TACC1: variants seen among roughly 807,000 people sequenced by gnomAD.
TACC1 encodes the protein transforming acidic coiled-coil containing protein 1.
In TACC1, 48 loss-of-function variants were observed where a neutral mutation model predicts 84.4. The observed-to-expected ratio is 0.57, with a 90% CI of 0.45 to 0.72. TACC1 has a LOEUF of 0.72. Ranked by LOEUF, TACC1 falls within the 30% of genes least tolerant of loss-of-function variation. The pLI, the probability that TACC1 is intolerant of heterozygous loss-of-function variation, is 0.00. For missense variants in TACC1, 920 were observed against 973.0 expected (o/e 0.95, Z 0.72); for synonymous variants, 372 against 376.3 (o/e 0.99, Z 0.13).
chr8:38,756,854 TCA>T (rs144268364), intron 3 of TACC1, among the ~76,000 whole-genome samples: 7,280 of 152,250 alleles, frequency 0.048, 593 homozygotes, highest in African/African-American at 0.17. Context: ...CCTGACCCCG[TCA>T]CACACCGCCC....
chr8:38,828,083 A>G (rs12674997), intron 5 of TACC1: 14,019 of 152,538 alleles, frequency 0.092, 832 homozygotes, highest in East Asian at 0.26. Flanking sequence ...ACTATATCAA[A>G]TGGCCTATAA....
At chr8:38,835,253 CA>C (rs1185132174) in intron 6 of TACC1, among the ~76,000 whole-genome samples, 3,524 of 75,740 alleles carry the variant, frequency 0.047, 95 homozygotes, top group African/African-American at 0.14. Context: ...GACCCCGTCT[CA>C]AAAAAAAAAA....
Position 38,850,802 on chromosome 8 carries a change from CA to C in TACC1, c.*2780del, listed in dbSNP as rs1272536447. On this transcript the variant is annotated 3_prime_UTR_variant, in exon 13 of 13. Coordinates refer to ENST00000317827, the MANE Select transcript of TACC1 (RefSeq NM_006283.3). The stretch of plus-strand genomic sequence containing the variant: ...AAAAAAAAAAAAAAAAAAAAAAAAC[CA>C]GGAGTGAAAAAGGAAAGTAGAAGGC... The C allele has an allele frequency of 7.0e-6, 1 of 142,670 alleles. No homozygotes were observed. Among genetic ancestry groups the C allele is most frequent in the Non-Finnish European group, 1.5e-5 (1 of 65,266 alleles). The allele number at this position is 142,670 out of a possible 1,614,324, so 8.8% of individuals were successfully genotyped here. A position where few individuals can be genotyped will look rare whatever the true frequency, so the allele number is the denominator to read the frequency against.
At chr8:38,735,688 G>A in intron 1 of TACC1, among the ~76,000 whole-genome samples, 1 of 152,178 alleles carries the variant, frequency 6.6e-6, no homozygotes, top group East Asian at 1.9e-4. Context: ...GGGCTACGCT[G>A]CTGTCTCCTG....
chr8:38,794,651 G>A (rs1819559317), intron 2 of TACC1, among the ~76,000 whole-genome samples: 1 of 152,106 alleles, frequency 6.6e-6, no homozygotes, highest in South Asian at 2.1e-4. Context: ...CTAAAGCTTT[G>A]AGTTATATGT....
chr8:38,817,933 A>C (rs1378870616), intron 2 of TACC1, among the ~76,000 whole-genome samples: 1 of 149,432 alleles, frequency 6.7e-6, no homozygotes, highest in African/African-American at 2.5e-5. Context: ...AAAAAAAAAA[A>C]AAAAAAAAAA....
chr8:38,763,147 T>C (rs966714697), intron 3 of TACC1, among the ~76,000 whole-genome samples: 2 of 152,142 alleles, frequency 1.3e-5, no homozygotes, highest in African/African-American at 2.4e-5. Context: ...CATTTGTTGT[T>C]GTTGTTGTTG....
At chr8:38,822,114 G>T (rs993853834) in intron 3 of TACC1, among the ~76,000 whole-genome samples, 17 of 151,950 alleles carry the variant, frequency 1.1e-4, no homozygotes, top group African/African-American at 3.4e-4. Flanking sequence ...GAGTGGTGGT[G>T]CATGCCTGTA....
intron 2 of TACC1, among the ~76,000 whole-genome samples, chr8:38,814,515 C>A (rs1824962703): frequency 1.3e-5 from 2 of 152,134 alleles, no homozygotes; most frequent in Admixed American, 6.6e-5. Context: ...GGTTTGTAGC[C>A]TAGGAGCAAT....
chr8:38,759,332 A>G (rs1810750321), intron 3 of TACC1, among the ~76,000 whole-genome samples: 1 of 152,240 alleles, frequency 6.6e-6, no homozygotes, highest in South Asian at 2.1e-4. Context: ...GCAATATACT[A>G]TTTTAGCTGA....
chr8:38,785,886 G>A (rs1022346546), upstream of TACC1: 8 of 215,328 alleles, frequency 3.7e-5, no homozygotes, highest in Admixed American at 2.0e-4. Context: ...AAAGCATCCT[G>A]ACACCCCACC....
In TACC1 at chr8:38,787,727, A is replaced by C; in HGVS notation, c.145A>C (p.Lys49Gln). ...PEEEDSQAET[K>Q]SLSFSSDSEG... The stretch of plus-strand genomic sequence containing the variant: ...GGAGGAGGATTCGCAAGCCGAGACC[A>C]AATCCTTGAGTTTCAGGCAAGTACA... Residue 49 changes from lysine (K) to glutamine (Q), a missense_variant, in exon 1 of 13, where the codon AAA becomes CAA. Lys to Gln is a moderately conservative substitution (Grantham distance 53). Transcript: ENST00000317827. 6.5e-7 allele frequency: 1 copy of C among 1,546,490 alleles called. No individual in the cohort carries two copies. The highest frequency in any genetic ancestry group is 8.7e-7 in the Non-Finnish European group (1 of 1,154,696).
chr8:38,832,347 A>G (rs1052781343), intron 6 of TACC1, among the ~76,000 whole-genome samples: 8 of 152,252 alleles, frequency 5.3e-5, no homozygotes, highest in Non-Finnish European at 1.2e-4. Flanking sequence ...GAAGAGAGTG[A>G]AAAAGAAAAA....
At chr8:38,837,409 G>A (rs753054544) in intron 7 of TACC1, among the ~76,000 whole-genome samples, 4 of 152,058 alleles carry the variant, frequency 2.6e-5, no homozygotes, top group Non-Finnish European at 4.4e-5. Context: ...GGCAACAAGA[G>A]CGAAACTCCA....
chr8:38,843,165 G>C, intron 10 of TACC1, 124 bp from the exon 11 acceptor site: 1 of 607,904 alleles, frequency 1.6e-6, no homozygotes, highest in Non-Finnish European at 2.8e-6. Flanking sequence ...TTACTGCAGA[G>C]TATGAATAAA....
Position 38,842,317 on chromosome 8 carries a change from A to G in TACC1, c.1991A>G (p.Gln664Arg). The change falls in exon 10 of 13, where the codon CAG becomes CGG. Residue 664 changes from glutamine to arginine, a missense_variant. This residue lies in a region of TACC1 where 158 missense variants were observed against 225.6 expected (regional missense o/e 0.70). Transcript: ENST00000317827. ...EDEQRTSMTSQKSFQQLTMEK... is the reference protein window; with the variant it reads ...EDEQRTSMTSRKSFQQLTMEK... ...GAACAAAGGACAAGTATGACCTCTC[A>G]GAAGAGCTTCCAGCAACTGACCATG... is the stretch of plus-strand genomic sequence containing the variant. The G allele has an allele frequency of 6.2e-7, 1 of 1,613,974 alleles. No homozygotes were observed. Among genetic ancestry groups the G allele is most frequent in the African/African-American group, 1.3e-5 (1 of 75,050 alleles).
intron 9 of TACC1, among the ~76,000 whole-genome samples, chr8:38,840,848 G>A (rs1232246634): frequency 6.6e-6 from 1 of 152,066 alleles, no homozygotes; most frequent in Non-Finnish European, 1.5e-5. Flanking sequence ...TTGAGAGTTC[G>A]AAAACAGCCT....
At chr8:38,824,027 T>A in intron 3 of TACC1, 3 of 1,352,092 alleles carry the variant, frequency 2.2e-6, no homozygotes, top group Non-Finnish European at 2.9e-6. Flanking sequence ...TTTTCTGTTG[T>A]AAGTACTCCT....
chr8:38,820,207 G>C lies in TACC1; in HGVS notation c.963G>C (p.Glu321Asp), dbSNP rs145812185. The change falls in exon 3 of 13, where the codon GAG becomes GAC. Residue 321 changes from glutamate (E) to aspartate (D), a missense_variant. Physicochemically the swap from Glu to Asp is conservative, Grantham distance 45. Coordinates refer to ENST00000317827, the MANE Select transcript of TACC1 (RefSeq NM_006283.3). Reference sequence around the variant, plus strand: ...CGAGGAGCTCACCTCTCAAGCTTGAGTTTGATTTCACAGAAGATACAGGAA... The same window carrying C: ...CGAGGAGCTCACCTCTCAAGCTTGACTTTGATTTCACAGAAGATACAGGAA... Reference protein sequence around the residue: ...EESRSSPLKLEFDFTEDTGNI... With the variant: ...EESRSSPLKLDFDFTEDTGNI... The C allele has an allele frequency of 3.3e-5, 53 of 1,614,046 alleles. No individual in the cohort carries two copies. The African/African-American group carries it at 5.6e-4, about 17-fold the overall frequency.
Sources: gnomAD v4.1 joint callset for allele counts (sites outside exome capture counted in the v4.1 genomes callset) on GRCh38, gnomAD v4.1.1 for gene constraint, gnomAD v4.1.1 regional missense constraint, MANE v1.5 for transcripts, NCBI Gene and HGNC (gene_info 2026-07-23, HGNC 2026-07-21) for gene names.